ARHGAP24: variants seen among roughly 807,000 people sequenced by gnomAD.
ARHGAP24 encodes Rho GTPase activating protein 24, also known as rho GTPase-activating protein 24.
Under a neutral mutation model 76.4 loss-of-function variants are expected in ARHGAP24, and 50 were observed. That is an observed-to-expected ratio of 0.65 (90% CI 0.52 to 0.83). ARHGAP24 has a LOEUF of 0.83. Ranked by LOEUF, ARHGAP24 falls within the 40% of genes least tolerant of loss-of-function variation. The pLI is 0.00. For missense variants in ARHGAP24, 930 were observed against 914.2 expected (o/e 1.02, Z -0.22); for synonymous variants, 345 against 323.3 (o/e 1.07, Z -0.72).
At chr4:85,827,282 T>C (rs556121384) in intron 3 of ARHGAP24, among the ~76,000 whole-genome samples, 1 of 152,286 alleles carries the variant, frequency 6.6e-6, no homozygotes, top group East Asian at 1.9e-4. Flanking sequence ...AAGACTTTAT[T>C]ATATGAGTTT....
rs548477266 is a variant in ARHGAP24 at position 85,906,681 on chromosome 4, A to G, written c.269-16967A>G. Among the ~76,000 whole-genome samples, 13 of 152,308 alleles carry G rather than the reference A, an allele frequency of 8.5e-5. No individual in the cohort carries two copies. In the East Asian group the frequency reaches 2.1e-3, roughly 25 times the overall value. On this transcript the variant is annotated intron_variant, in intron 3 of 9. Transcript: ENST00000395184. Reference sequence around the variant, plus strand: ...CATATTTCACAGAAATAAATAGTGGATCTCCACATTTCATCATTACTAGCT... The same window carrying G: ...CATATTTCACAGAAATAAATAGTGGGTCTCCACATTTCATCATTACTAGCT...
chr4:85,988,154 G>T (rs1036754398), intron 8 of ARHGAP24, among the ~76,000 whole-genome samples: 1 of 151,766 alleles, frequency 6.6e-6, no homozygotes, highest in Non-Finnish European at 1.5e-5. Flanking sequence ...CATCACTGAT[G>T]GTCTTGTACT....
chr4:85,581,846 G>A (rs1480342838), intron 2 of ARHGAP24, among the ~76,000 whole-genome samples: 1 of 151,924 alleles, frequency 6.6e-6, no homozygotes, highest in African/African-American at 2.4e-5. Context: ...ACATGTGGTG[G>A]TAAATAAGCC....
At chr4:85,728,697 A>G (rs895308606) in intron 3 of ARHGAP24, among the ~76,000 whole-genome samples, 2 of 152,194 alleles carry the variant, frequency 1.3e-5, no homozygotes, top group Non-Finnish European at 2.9e-5. Flanking sequence ...GCTGTGTTAC[A>G]TAATAGGCCA....
At chr4:85,974,591 A>C (rs527609009) in intron 6 of ARHGAP24, among the ~76,000 whole-genome samples, 2 of 152,348 alleles carry the variant, frequency 1.3e-5, no homozygotes, top group South Asian at 4.1e-4. Context: ...TAATTTTATT[A>C]ATAAATGAGC....
chr4:85,568,326 G>A lies in ARHGAP24; in HGVS notation c.-20-2196G>A, dbSNP rs569341113. 1.6e-4 allele frequency among the ~76,000 whole-genome samples: 25 copies of A among 151,672 alleles called. No homozygotes were observed. The Middle Eastern group carries it at 0.01, about 62-fold the overall frequency. The stretch of plus-strand genomic sequence containing the variant: ...TGTTTGTTGCGGGGGGGAGGGGGGC[G>A]TGTGTGTGTGGTGGAATGTTTGTTT... On this transcript the variant is annotated intron_variant, in intron 1 of 9. Coordinates refer to ENST00000395184, the MANE Select transcript of ARHGAP24 (RefSeq NM_001025616.3).
chr4:85,849,432 C>G (rs918626182), intron 3 of ARHGAP24, among the ~76,000 whole-genome samples: 2 of 152,204 alleles, frequency 1.3e-5, no homozygotes, highest in African/African-American at 2.4e-5. Flanking sequence ...AATCGAATAG[C>G]CTTTATTTCT....
chr4:85,686,304 A>G (rs1282509904), intron 2 of ARHGAP24, among the ~76,000 whole-genome samples: 1 of 152,238 alleles, frequency 6.6e-6, no homozygotes. Context: ...AATAAAGGAA[A>G]TGGAGCTAGC....
At chr4:85,733,776 A>G (rs889353564) in intron 3 of ARHGAP24, among the ~76,000 whole-genome samples, 1 of 152,096 alleles carries the variant, frequency 6.6e-6, no homozygotes, top group Non-Finnish European at 1.5e-5. Flanking sequence ...TTATAAGGAC[A>G]TCAGTTGCAT....
intron 1 of ARHGAP24, among the ~76,000 whole-genome samples, chr4:85,478,114 G>A (rs1036528975): frequency 5.3e-5 from 8 of 152,130 alleles, no homozygotes; most frequent in African/African-American, 1.9e-4. Context: ...GTGTGGAGGA[G>A]GTTGGTGATA....
intron 1 of ARHGAP24, among the ~76,000 whole-genome samples, chr4:85,485,273 G>A (rs1221088343): frequency 7.0e-6 from 1 of 143,338 alleles, no homozygotes; most frequent in African/African-American, 2.6e-5. Flanking sequence ...GCGTGAACCT[G>A]GGAGGTGGAG....
chr4:85,774,892 A>G (rs922744342), intron 3 of ARHGAP24, among the ~76,000 whole-genome samples: 20 of 152,234 alleles, frequency 1.3e-4, no homozygotes, highest in African/African-American at 4.1e-4. Context: ...AATTCATTAA[A>G]GAAATATTTG....
chr4:85,542,977 A>G (rs1318606910), intron 1 of ARHGAP24, among the ~76,000 whole-genome samples: 1 of 152,216 alleles, frequency 6.6e-6, no homozygotes, highest in Admixed American at 6.5e-5. Context: ...TGCCTGGTCC[A>G]TAGTAAATAA....
chr4:85,534,061 C>A (rs1223603156), intron 1 of ARHGAP24, among the ~76,000 whole-genome samples: 2 of 152,122 alleles, frequency 1.3e-5, no homozygotes, highest in Non-Finnish European at 2.9e-5. Context: ...GCATAATGAT[C>A]TGATGTACAT....
chr4:85,769,522 A>G (rs531062432), intron 3 of ARHGAP24, among the ~76,000 whole-genome samples: 2 of 152,330 alleles, frequency 1.3e-5, no homozygotes, highest in South Asian at 4.1e-4. Context: ...ATTTGTGTAT[A>G]TACATATGTG....
At chr4:85,646,524 G>C (rs1300196438) in intron 2 of ARHGAP24, among the ~76,000 whole-genome samples, 1 of 151,932 alleles carries the variant, frequency 6.6e-6, no homozygotes, top group Non-Finnish European at 1.5e-5. Flanking sequence ...GTTCAACTTA[G>C]AGCCACAATC....
chr4:85,685,632 CAAAAAAA>C (rs57825725), intron 2 of ARHGAP24, among the ~76,000 whole-genome samples: 1 of 124,438 alleles, frequency 8.0e-6, no homozygotes, highest in Non-Finnish European at 1.8e-5. Flanking sequence ...GACTCTGTCT[CAAAAAAA>C]AAAAAAAAGA....
rs151290822 is a variant in ARHGAP24, at chr4:85,476,973, C to T, written c.-21+1414C>T. Among the ~76,000 whole-genome samples, 427 of 152,298 alleles carry T rather than the reference C, an allele frequency of 2.8e-3. 1 individual carries two copies. The highest frequency in any genetic ancestry group is 8.5e-3 in the African/African-American group (353 of 41,566). On this transcript the variant is annotated intron_variant, in intron 1 of 9. Transcript: ENST00000395184. ...GGTAGCAAGTCCAGAAATCTGTTCT[C>T]TCTAGAGCCATTACTTAGTGGTCAG...
intron 2 of ARHGAP24, among the ~76,000 whole-genome samples, chr4:85,613,498 C>G (rs1265481074): frequency 2.0e-5 from 3 of 152,102 alleles, no homozygotes; most frequent in Non-Finnish European, 4.4e-5. Flanking sequence ...TGATGTTTTG[C>G]TGACTGGCAA....
Sources: gnomAD v4.1 joint callset for allele counts (sites outside exome capture counted in the v4.1 genomes callset) on GRCh38, gnomAD v4.1.1 for gene constraint, MANE v1.5 for transcripts, NCBI Gene and HGNC (gene_info 2026-07-23, HGNC 2026-07-21) for gene names.